The following CEP112 variants were observed in gnomAD, a reference collection of about 807,000 sequenced individuals.
CEP112 encodes centrosomal protein 112.
In CEP112, 127 loss-of-function variants were observed where a neutral mutation model predicts 153.0. That is an observed-to-expected ratio of 0.83 (90% CI 0.72 to 0.96). The LOEUF (loss-of-function observed/expected upper bound fraction) is 0.96, where lower values mean the gene tolerates loss of function less well. Among genes scored for constraint, CEP112 ranks in the 40% least tolerant of loss-of-function variants. The probability of loss-of-function intolerance (pLI) is 0.00; values close to 1 mark genes in which losing one functional copy is unlikely to be tolerated. For missense variants in CEP112, 1,089 were observed against 1,101.2 expected, an observed-to-expected ratio of 0.99 and a Z score of 0.16; for synonymous variants, 358 against 374.4, an observed-to-expected ratio of 0.96 and a Z score of 0.51.
At chr17:65,956,180 G>T (rs1368401246) in intron 18 of CEP112, among the ~76,000 whole-genome samples, 2 of 152,040 alleles carry the variant, frequency 1.3e-5, no homozygotes, top group Non-Finnish European at 2.9e-5. Flanking sequence ...AACCACTATG[G>T]AAAACACTGT....
intron 1 of CEP112, among the ~76,000 whole-genome samples, chr17:66,184,273 A>G (rs2072838982): frequency 6.6e-6 from 1 of 152,138 alleles, no homozygotes; most frequent in Admixed American, 6.6e-5. Context: ...ATAAAAAAGA[A>G]AGCTGACATA....
At chr17:65,902,006 G>GGGAAAAACAAAA in intron 20 of CEP112, 146 bp downstream of exon 20, 1 of 243,086 alleles carries the variant, frequency 4.1e-6, no homozygotes, top group South Asian at 5.9e-5. Flanking sequence ...GGGTGGGGGG[G>GGGAAAAACAAAA]AGAAAAACAA....
chr17:65,826,237 T>C, intron 21 of CEP112: 1 of 1,614,166 alleles, frequency 6.2e-7, no homozygotes, highest in Non-Finnish European at 8.5e-7. Flanking sequence ...CTCTCATCTC[T>C]ATCAGTCTCA....
intron 18 of CEP112, among the ~76,000 whole-genome samples, chr17:65,958,565 G>A (rs2062080482): frequency 6.6e-6 from 1 of 152,118 alleles, no homozygotes; most frequent in African/African-American, 2.4e-5. Context: ...GGCTGAGCCT[G>A]GGTGCTGTCG....
chr17:66,112,105 A>T (rs559511075), intron 6 of CEP112, among the ~76,000 whole-genome samples: 5 of 152,078 alleles, frequency 3.3e-5, no homozygotes, highest in Admixed American at 1.3e-4. Context: ...AGCCTGGCCA[A>T]CATGGTAAAA....
intron 4 of CEP112, among the ~76,000 whole-genome samples, chr17:66,143,777 A>T (rs1258615874): frequency 6.6e-6 from 1 of 152,218 alleles, no homozygotes; most frequent in Non-Finnish European, 1.5e-5. Context: ...CATAGCTCAG[A>T]GGGAAGAGCC....
chr17:65,880,944 T>C (rs984996208), intron 20 of CEP112, among the ~76,000 whole-genome samples: 8 of 152,022 alleles, frequency 5.3e-5, no homozygotes, highest in South Asian at 2.1e-4. Flanking sequence ...GGGCCAGGTG[T>C]GGTGGCTCAT....
intron 23 of CEP112, 79 bp downstream of exon 23, chr17:65,742,989 C>T (rs1366393696): frequency 1.7e-6 from 2 of 1,148,568 alleles, no homozygotes; most frequent in Non-Finnish European, 2.4e-6. Context: ...CATTCATCTG[C>T]CCACTGCTGG....
chr17:66,016,865 G>A (rs1196377359), intron 16 of CEP112, among the ~76,000 whole-genome samples: 3 of 151,996 alleles, frequency 2.0e-5, no homozygotes, highest in South Asian at 2.1e-4. Flanking sequence ...AAAATTATAC[G>A]ATGATTACGA....
At chr17:66,069,559 A>G (rs546384686) in intron 9 of CEP112, among the ~76,000 whole-genome samples, 1 of 152,240 alleles carries the variant, frequency 6.6e-6, no homozygotes, top group Non-Finnish European at 1.5e-5. Context: ...ATATTAGAAT[A>G]AAACAAATTC....
chr17:65,703,112 G>A (rs1011941673), intron 23 of CEP112, among the ~76,000 whole-genome samples: 5 of 152,280 alleles, frequency 3.3e-5, no homozygotes, highest in South Asian at 2.1e-4. Context: ...GTGCATAAGA[G>A]GGGATTGGTG....
At chr17:65,800,629 G>A (rs563221605) in intron 21 of CEP112, among the ~76,000 whole-genome samples, 79 of 152,276 alleles carry the variant, frequency 5.2e-4, no homozygotes, top group African/African-American at 1.9e-3. Flanking sequence ...ATATCCCCTA[G>A]GAGAGGAAAT....
intron 12 of CEP112, among the ~76,000 whole-genome samples, chr17:66,046,082 G>A (rs4396570): frequency 0.75 from 113,341 of 151,330 alleles, 45,054 homozygotes; most frequent in East Asian, 0.91. Context: ...TCGCTCTGTC[G>A]CCCAGGCTGA....
intron 17 of CEP112, among the ~76,000 whole-genome samples, chr17:65,969,159 A>G (rs2062533169): frequency 6.7e-6 from 1 of 149,256 alleles, no homozygotes; most frequent in African/African-American, 2.5e-5. Context: ...TCGGCTAACT[A>G]CAACCTCTGC....
At chr17:65,751,464 C>T (rs1181627285) in intron 21 of CEP112, among the ~76,000 whole-genome samples, 2 of 152,062 alleles carry the variant, frequency 1.3e-5, no homozygotes, top group Non-Finnish European at 2.9e-5. Flanking sequence ...GTGTCTTTTC[C>T]CCATCAATCA....
intron 18 of CEP112, chr17:65,941,469 C>G (rs2061502869): frequency 6.6e-6 from 1 of 152,074 alleles, no homozygotes; most frequent in African/African-American, 2.4e-5. Context: ...ATGCCAGACC[C>G]CATTCCATTC....
chr17:66,024,190 A>C (rs1316732439), intron 16 of CEP112, among the ~76,000 whole-genome samples: 1 of 152,094 alleles, frequency 6.6e-6, no homozygotes, highest in Admixed American at 6.5e-5. Flanking sequence ...AGGATCTGTA[A>C]GGCAAACCCA....
chr17:65,793,653 C>G (rs773748312), intron 21 of CEP112, among the ~76,000 whole-genome samples: 1 of 152,208 alleles, frequency 6.6e-6, no homozygotes, highest in East Asian at 1.9e-4. Context: ...TGAACATAGA[C>G]ACATTTTCCT....
At chr17:65,775,510 A>T (rs1567995487) in intron 21 of CEP112, among the ~76,000 whole-genome samples, 1 of 151,370 alleles carries the variant, frequency 6.6e-6, no homozygotes, top group African/African-American at 2.4e-5. Flanking sequence ...TTTAAATTTT[A>T]TTTTTTTTTG....
Sources: allele counts gnomAD v4.1 joint callset (sites outside exome capture counted in the v4.1 genomes callset), GRCh38; gene constraint gnomAD v4.1.1; transcripts MANE v1.5; gene names NCBI Gene and HGNC (gene_info 2026-07-23, HGNC 2026-07-21).